The following SP3 variants were observed in gnomAD, a reference collection of about 807,000 sequenced individuals.
SP3 encodes the protein Sp3 transcription factor, also known as transcription factor Sp3.
SP3 carries 10 observed loss-of-function variants against 70.3 expected under a neutral mutation model. The ratio of observed to expected loss-of-function variants is 0.14; its 90% CI spans 0.09 to 0.24. The LOEUF (loss-of-function observed/expected upper bound fraction) is 0.24. SP3 is among the 10% of genes least tolerant of loss of function. The pLI is 1.00. For synonymous variants in SP3, 402 were observed against 333.5 expected (o/e 1.21, Z -2.24); for missense variants, 825 against 914.6 (o/e 0.90, Z 1.26).
upstream of SP3, chr2:173,965,411 A>C: frequency 3.7e-6 from 2 of 547,536 alleles, no homozygotes; most frequent in East Asian, 3.3e-5. Context: ...CTTGGCTCTC[A>C]TTCGCCGCCG....
In SP3 at chr2:173,955,074, G is replaced by C. The variant is rs545013658; in HGVS notation, c.1438C>G (p.Gln480Glu). 6.2e-7 allele frequency: 1 copy of C among 1,614,204 alleles called. No homozygotes were observed. Among genetic ancestry groups the C allele is most frequent in the East Asian group, 2.2e-5 (1 of 44,894 alleles). The part of the protein sequence containing the change: ...GVQNLQNLQI[Q>E]NTAAQQITLT... Reference sequence around the variant, plus strand: ...GTTATTTGTTGGGCAGCAGTATTCTGTATTTGCAAATTCTGCAAGTTCTGG... The same window carrying C: ...GTTATTTGTTGGGCAGCAGTATTCTCTATTTGCAAATTCTGCAAGTTCTGG... Residue 480 changes from glutamine to glutamate, a missense_variant, in exon 4 of 7, where the codon CAG becomes GAG. Gln to Glu is a conservative substitution (Grantham distance 29, BLOSUM62 2). Around this residue, in one of 4 missense-constraint regions of SP3, gnomAD observed 678 missense variants for 651.6 expected, o/e 1.04. Transcript: ENST00000310015.
chr2:173,939,344 A>G (rs1452654786), intron 4 of SP3, among the ~76,000 whole-genome samples: 2 of 152,204 alleles, frequency 1.3e-5, no homozygotes, highest in Admixed American at 1.3e-4. Flanking sequence ...TAAAATGCAC[A>G]TATTCTCCAA....
chr2:173,924,171 T>C (rs1392505080), intron 4 of SP3, among the ~76,000 whole-genome samples: 1 of 152,194 alleles, frequency 6.6e-6, no homozygotes, highest in Non-Finnish European at 1.5e-5. Flanking sequence ...GCCATCTCCT[T>C]AGATTTGGAT....
chr2:173,935,263 T>C (rs574281832), intron 4 of SP3, among the ~76,000 whole-genome samples: 10 of 152,268 alleles, frequency 6.6e-5, no homozygotes, highest in African/African-American at 1.9e-4. Flanking sequence ...GTGTTCTAAC[T>C]TATTAATGAT....
intron 4 of SP3, among the ~76,000 whole-genome samples, chr2:173,933,641 T>TATATATAC (rs1690130069): frequency 9.0e-6 from 1 of 110,902 alleles, no homozygotes; most frequent in African/African-American, 4.7e-5. Context: ...TAAAACTTTA[T>TATATATAC]ATATATATAT....
At chr2:173,964,648 C>G (rs1046122928) in intron 1 of SP3, 95 bp from the exon 2 acceptor site, 2 of 582,556 alleles carry the variant, frequency 3.4e-6, no homozygotes, top group Non-Finnish European at 6.2e-6. Flanking sequence ...CTCCCAAAGC[C>G]CGGACCCAGG....
rs1187042946 is a variant in SP3, at chr2:173,909,068, G to C, written c.*873C>G. On this transcript the variant is annotated 3_prime_UTR_variant, in exon 7 of 7. Transcript: ENST00000310015. ...TACATGATGGCTTTTAAGGCCCTGG[G>C]AGACATGGTTTTTGGAAACAAGATT... is the stretch of plus-strand genomic sequence containing the variant. The C allele has an allele frequency of 6.6e-6, 1 of 152,518 alleles. No homozygotes were observed. The highest frequency in any genetic ancestry group is 1.5e-5 in the Non-Finnish European group (1 of 67,944). 9.4% of individuals were successfully genotyped at this position (152,518 alleles called of 1,614,324 possible).
intron 4 of SP3, among the ~76,000 whole-genome samples, chr2:173,940,797 C>T (rs1020941857): frequency 6.6e-6 from 1 of 152,070 alleles, no homozygotes; most frequent in African/African-American, 2.4e-5. Flanking sequence ...AACACCTGGC[C>T]CTCTCACCCA....
chr2:173,958,777 A>C (rs1217505030), intron 3 of SP3, among the ~76,000 whole-genome samples: 1 of 151,892 alleles, frequency 6.6e-6, no homozygotes, highest in Admixed American at 6.6e-5. Context: ...ATATTACACA[A>C]GAAAAAAAAA....
rs778579553 is a variant in SP3 at position 173,964,486 on chromosome 2, GCCA to G, written c.72_74del (p.Gly29del). 7 of 580,070 alleles carry G rather than the reference GCCA, an allele frequency of 1.2e-5. No individual in the cohort carries two copies. The highest frequency in any genetic ancestry group is 7.6e-5 in the East Asian group (2 of 26,298). 35.9% of individuals were successfully genotyped at this position (580,070 alleles called of 1,614,324 possible). A position where few individuals can be genotyped will look rare whatever the true frequency, so the allele number is the denominator to read the frequency against. ...GATACTCGCCGTGGCCGCCGCCGCC[GCCA>G]CCGCCGCCGCCGCTATCCACGTCCA... On this transcript the variant is annotated inframe_deletion, in exon 2 of 7. Transcript: ENST00000310015.
rs1224539896 is a variant in SP3 at position 173,901,948 on chromosome 2, A to C, written c.*7993T>G. Among the ~76,000 whole-genome samples, 1 of 152,128 alleles carries C rather than the reference A, an allele frequency of 6.6e-6. No individual in the cohort carries two copies. Among genetic ancestry groups the C allele is most frequent in the Non-Finnish European group, 1.5e-5 (1 of 68,022 alleles). Reference sequence around the variant, plus strand: ...AGCAATCCGCTCGACTCAGCTTCCCAAAGTGCTGGGACCACAGGCATGAGC... The same window carrying C: ...AGCAATCCGCTCGACTCAGCTTCCCCAAGTGCTGGGACCACAGGCATGAGC... On this transcript the variant is annotated 3_prime_UTR_variant, in exon 7 of 7. Coordinates refer to ENST00000310015, the MANE Select transcript of SP3 (RefSeq NM_003111.5).
rs538668020 is a variant in SP3, at chr2:173,907,567, T to C, written c.*2374A>G. ...CTTCATTGCATTCATTCTCCACGAA[T>C]TCATAAAATATGCATGGACACCTAT... On this transcript the variant is annotated 3_prime_UTR_variant, in exon 7 of 7. Transcript: ENST00000310015. The C allele has an allele frequency of 6.6e-6, 1 of 152,224 alleles. No individual in the cohort carries two copies. Among genetic ancestry groups the C allele is most frequent in the South Asian group, 2.1e-4 (1 of 4,822 alleles). The allele number at this position is 152,224 out of a possible 1,614,324, so 9.4% of individuals were successfully genotyped here.
Position 173,907,599 on chromosome 2 carries a change from A to G in SP3, c.*2342T>C, listed in dbSNP as rs1302423856. 6.6e-6 allele frequency: 1 copy of G among 152,122 alleles called. No individual in the cohort carries two copies. The highest frequency in any genetic ancestry group is 1.5e-5 in the Non-Finnish European group (1 of 67,974). The allele number at this position is 152,122 out of a possible 1,614,324, so 9.4% of individuals were successfully genotyped here. On this transcript the variant is annotated 3_prime_UTR_variant, in exon 7 of 7. Transcript: ENST00000310015. The stretch of plus-strand genomic sequence containing the variant: ...AATATGCATGGACACCTATCGATTC[A>G]AAGTACACCATAAACTTACTGTAAA...
chr2:173,953,007 C>G (rs964398823), intron 4 of SP3, among the ~76,000 whole-genome samples: 9 of 152,098 alleles, frequency 5.9e-5, no homozygotes, highest in Non-Finnish European at 1.2e-4. Context: ...TAGTTACAAC[C>G]AGTGAATTGT....
chr2:173,911,440 G>C (rs1009926005), intron 6 of SP3, among the ~76,000 whole-genome samples: 4 of 152,072 alleles, frequency 2.6e-5, no homozygotes, highest in African/African-American at 9.7e-5. Context: ...AGTTTCTCTT[G>C]TAACATTAGT....
chr2:173,962,449 G>A (rs1047194403), intron 3 of SP3, among the ~76,000 whole-genome samples: 1 of 152,208 alleles, frequency 6.6e-6, no homozygotes, highest in Non-Finnish European at 1.5e-5. Flanking sequence ...CCAACTCTCA[G>A]CGAAGCTGAA....
intron 4 of SP3, among the ~76,000 whole-genome samples, chr2:173,925,608 C>T (rs2105466677): frequency 6.6e-6 from 1 of 152,228 alleles, no homozygotes; most frequent in South Asian, 2.1e-4. Context: ...CAAATCTTCC[C>T]TGTTGTCCCA....
chr2:173,954,890 T>C lies in SP3; in HGVS notation c.1622A>G (p.Asn541Ser). ...AGACTCACCTGCAGGACTGTCAGCA[T>C]TCTCTCCTGGATGTAGCTGTATACC... is the stretch of plus-strand genomic sequence containing the variant. Reference protein sequence around the residue: ...SAGIQLHPGENADSPADIRIK... With the variant: ...SAGIQLHPGESADSPADIRIK... Residue 541 changes from asparagine (N) to serine (S), a missense_variant, in exon 4 of 7, where the codon AAT becomes AGT. Physicochemically the swap from Asn to Ser is conservative, Grantham distance 46. Transcript: ENST00000310015. 1 of 1,612,232 alleles carries C rather than the reference T, an allele frequency of 6.2e-7. No individual in the cohort carries two copies. The highest frequency in any genetic ancestry group is 8.5e-7 in the Non-Finnish European group (1 of 1,178,312).
intron 4 of SP3, among the ~76,000 whole-genome samples, chr2:173,930,097 T>C (rs1445189437): frequency 6.6e-6 from 1 of 152,184 alleles, no homozygotes; most frequent in African/African-American, 2.4e-5. Context: ...TAGTCTCTTT[T>C]CCCTAACCCA....
Sources: gnomAD v4.1 joint callset for allele counts (sites outside exome capture counted in the v4.1 genomes callset) on GRCh38, gnomAD v4.1.1 for gene constraint, gnomAD v4.1.1 regional missense constraint, MANE v1.5 for transcripts, NCBI Gene and HGNC (gene_info 2026-07-23, HGNC 2026-07-21) for gene names.